ADAMTS17: variants seen among roughly 807,000 people sequenced by gnomAD.
ADAMTS17 encodes ADAM metallopeptidase with thrombospondin type 1 motif 17.
In ADAMTS17, 113 loss-of-function variants were observed where a neutral mutation model predicts 141.5. The observed-to-expected ratio is 0.80, with a 90% CI of 0.69 to 0.93. ADAMTS17 has a LOEUF of 0.93. Ranked by LOEUF, ADAMTS17 falls within the 40% of genes least tolerant of loss-of-function variation. The pLI, the probability that ADAMTS17 is intolerant of heterozygous loss-of-function variation, is 0.00. For missense variants in ADAMTS17, 1,659 were observed against 1,517.9 expected, an observed-to-expected ratio of 1.09 and a Z score of -1.54; for synonymous variants, 768 against 630.6, an observed-to-expected ratio of 1.22 and a Z score of -3.27.
At chr15:100,177,086 A>C (rs2141502874) in intron 8 of ADAMTS17, among the ~76,000 whole-genome samples, 1 of 152,352 alleles carries the variant, frequency 6.6e-6, no homozygotes, top group South Asian at 2.1e-4. Flanking sequence ...TTCATGTGCA[A>C]GTTTTTGCAT....
At chr15:100,138,307 G>A (rs1047744672) in intron 10 of ADAMTS17, among the ~76,000 whole-genome samples, 3 of 152,186 alleles carry the variant, frequency 2.0e-5, no homozygotes, top group African/African-American at 7.2e-5. Flanking sequence ...GTGAGTGATG[G>A]TCAGCAGCAA....
At chr15:99,976,462 CTGTG>C (rs1014133094) in intron 20 of ADAMTS17, 2 of 619,814 alleles carry the variant, frequency 3.2e-6, no homozygotes, top group African/African-American at 3.6e-5. Context: ...GGGCTGGGCA[CTGTG>C]TGTCATGCCC....
At chr15:100,163,553 A>G (rs1233072740) in intron 8 of ADAMTS17, among the ~76,000 whole-genome samples, 1 of 152,152 alleles carries the variant, frequency 6.6e-6, no homozygotes, top group African/African-American at 2.4e-5. Flanking sequence ...TGGCATGATC[A>G]CAGTTCACTG....
At chr15:100,191,443 C>A (rs1234105303) in intron 8 of ADAMTS17, among the ~76,000 whole-genome samples, 2 of 152,224 alleles carry the variant, frequency 1.3e-5, no homozygotes, top group Non-Finnish European at 2.9e-5. Context: ...TCCCTCCCTC[C>A]AAGCCAGGCA....
At chr15:100,109,138 G>A (rs1437123178) in intron 13 of ADAMTS17, 22 bp from the exon 14 acceptor site, 53 of 1,596,486 alleles carry the variant, frequency 3.3e-5, no homozygotes, top group Non-Finnish European at 3.8e-5. Context: ...AAGGTTGGAG[G>A]ACGTTGACAC....
intron 7 of ADAMTS17, among the ~76,000 whole-genome samples, chr15:100,203,190 T>G (rs996462393): frequency 6.6e-6 from 1 of 152,154 alleles, no homozygotes; most frequent in Non-Finnish European, 1.5e-5. Flanking sequence ...AGCGTGTGCT[T>G]GTGTCCTAAA....
intron 8 of ADAMTS17, among the ~76,000 whole-genome samples, chr15:100,170,147 G>T (rs1433369047): frequency 6.6e-6 from 1 of 152,154 alleles, no homozygotes; most frequent in Non-Finnish European, 1.5e-5. Context: ...ATGGCGGGGG[G>T]CATGGGGTGG....
intron 7 of ADAMTS17, among the ~76,000 whole-genome samples, chr15:100,244,740 C>T (rs570521188): frequency 1.3e-5 from 2 of 152,156 alleles, no homozygotes; most frequent in Admixed American, 6.5e-5. Context: ...TTGTTCCAAC[C>T]GGAGCAGGAC....
chr15:100,127,610 C>T (rs2037811151), intron 12 of ADAMTS17, among the ~76,000 whole-genome samples: 1 of 152,186 alleles, frequency 6.6e-6, no homozygotes, highest in Admixed American at 6.5e-5. Flanking sequence ...GAGATGGAGT[C>T]CCACTCTGTC....
chr15:100,107,635 A>G (rs1464575283), intron 14 of ADAMTS17, among the ~76,000 whole-genome samples: 1 of 152,106 alleles, frequency 6.6e-6, no homozygotes, highest in African/African-American at 2.4e-5. Context: ...CAGAACTCTC[A>G]TGAACAGGAT....
At chr15:100,266,476 A>G (rs1407627248) in intron 4 of ADAMTS17, among the ~76,000 whole-genome samples, 2 of 152,218 alleles carry the variant, frequency 1.3e-5, no homozygotes, top group Admixed American at 6.5e-5. Flanking sequence ...AGGCAGAAGC[A>G]TATTTTAAAA....
At chr15:100,125,272 G>A (rs1227864245) in intron 12 of ADAMTS17, among the ~76,000 whole-genome samples, 2 of 152,230 alleles carry the variant, frequency 1.3e-5, no homozygotes, top group African/African-American at 4.8e-5. Flanking sequence ...AGGTGTCCAA[G>A]TAACACATGT....
At chr15:100,339,636 G>A (rs375107940) in intron 2 of ADAMTS17, among the ~76,000 whole-genome samples, 38 of 23,410 alleles carry the variant, frequency 1.6e-3, no homozygotes, top group Middle Eastern at 0.021. Context: ...CACATTCCCC[G>A]CCCCAGGTCC....
At chr15:100,008,319 T>A (rs760842292) in intron 18 of ADAMTS17, among the ~76,000 whole-genome samples, 2 of 152,056 alleles carry the variant, frequency 1.3e-5, no homozygotes, top group Non-Finnish European at 2.9e-5. Context: ...GGGATTTCTG[T>A]GGCCAGGGGA....
chr15:100,081,143 C>T (rs1285169022), intron 15 of ADAMTS17, among the ~76,000 whole-genome samples: 1 of 152,148 alleles, frequency 6.6e-6, no homozygotes, highest in East Asian at 1.9e-4. Context: ...CCAGCAAATA[C>T]AAAGCAGGCA....
At chr15:100,199,450 T>C (rs1429113115) in intron 7 of ADAMTS17, 27 bp from the exon 8 acceptor site, 1 of 1,599,892 alleles carries the variant, frequency 6.3e-7, no homozygotes. Context: ...AAACACATCC[T>C]CTTCAGAACG....
chr15:100,218,878 C>T (rs369980419), intron 7 of ADAMTS17, among the ~76,000 whole-genome samples: 3,839 of 151,664 alleles, frequency 0.025, 160 homozygotes, highest in African/African-American at 0.083. Context: ...CACCTGAACA[C>T]GCAAACGTCC....
At chr15:100,204,949 G>C (rs2041475467) in intron 7 of ADAMTS17, among the ~76,000 whole-genome samples, 1 of 152,222 alleles carries the variant, frequency 6.6e-6, no homozygotes, top group South Asian at 2.1e-4. Context: ...GAGTCATACA[G>C]CAGTTATGGC....
chr15:100,045,076 G>A (rs1006343303), intron 18 of ADAMTS17, among the ~76,000 whole-genome samples: 1 of 151,870 alleles, frequency 6.6e-6, no homozygotes, highest in Admixed American at 6.6e-5. Flanking sequence ...CAAAGTGGTG[G>A]GATTACAGGT....
Sources: allele counts gnomAD v4.1 joint callset (sites outside exome capture counted in the v4.1 genomes callset), GRCh38; gene constraint gnomAD v4.1.1; transcripts MANE v1.5; gene names NCBI Gene and HGNC (gene_info 2026-07-23, HGNC 2026-07-21).